The following SLC22A23 variants were observed in gnomAD, a reference collection of about 807,000 sequenced individuals.
SLC22A23 encodes solute carrier family 22 member 23.
SLC22A23 carries 26 observed loss-of-function variants against 61.0 expected under a neutral mutation model. That is an observed-to-expected ratio of 0.43 (90% CI 0.31 to 0.59). The LOEUF (loss-of-function observed/expected upper bound fraction) is 0.59. Ranked by LOEUF, SLC22A23 falls within the 20% of genes least tolerant of loss-of-function variation. The probability of loss-of-function intolerance (pLI) is 0.11; values close to 1 mark genes in which losing one functional copy is unlikely to be tolerated. For synonymous variants in SLC22A23, 430 were observed against 413.9 expected (o/e 1.04, Z -0.47); for missense variants, 796 against 934.7 (o/e 0.85, Z 1.94).
chr6:3,425,601 T>C (rs1004310684), intron 1 of SLC22A23, among the ~76,000 whole-genome samples: 1 of 152,164 alleles, frequency 6.6e-6, no homozygotes, highest in Non-Finnish European at 1.5e-5. Context: ...TATCTCTTAA[T>C]AGAACAAATC....
chr6:3,444,865 G>T, intron 1 of SLC22A23: 1 of 985,586 alleles, frequency 1.0e-6, no homozygotes, highest in Non-Finnish European at 1.2e-6. Context: ...GCAGACACCT[G>T]GCAGCGCCCA....
intron 4 of SLC22A23, chr6:3,312,419 A>C (rs1281221241): frequency 6.6e-6 from 1 of 152,112 alleles, no homozygotes; most frequent in African/African-American, 2.4e-5. Flanking sequence ...TGATGTTGTA[A>C]AACAGTGTGA....
At chr6:3,275,972 C>G (rs1406070285) in intron 9 of SLC22A23, among the ~76,000 whole-genome samples, 2 of 152,194 alleles carry the variant, frequency 1.3e-5, no homozygotes, top group Non-Finnish European at 2.9e-5. Flanking sequence ...GCAAAGGTGA[C>G]CTGGGCAGGG....
At chr6:3,323,789 A>G (rs780618362) in intron 4 of SLC22A23, 45 bp downstream of exon 4, 14 of 1,572,348 alleles carry the variant, frequency 8.9e-6, no homozygotes, top group African/African-American at 1.4e-5. Context: ...TTCAGGAAGC[A>G]TGTGCAGTCG....
At chr6:3,411,539 T>C (rs780624095) in intron 2 of SLC22A23, among the ~76,000 whole-genome samples, 4 of 152,140 alleles carry the variant, frequency 2.6e-5, no homozygotes, top group African/African-American at 7.2e-5. Context: ...TGGTGATGGC[T>C]GTACAACTCT....
At position 3,327,153 on chromosome 6, in the gene SLC22A23, A is replaced by G. The variant is rs1186136323; in HGVS notation, c.914-3151T>C. Among the ~76,000 whole-genome samples, 1 of 152,200 alleles carries G rather than the reference A, an allele frequency of 6.6e-6. No individual in the cohort carries two copies. Among genetic ancestry groups the G allele is most frequent in the Admixed American group, 6.5e-5 (1 of 15,280 alleles). Reference sequence around the variant, plus strand: ...AAGCATTTGGTGCAGCAGCTCCCACACCTTGAAGATGGTTCCAGTCGCCTG... The same window carrying G: ...AAGCATTTGGTGCAGCAGCTCCCACGCCTTGAAGATGGTTCCAGTCGCCTG... On this transcript the variant is annotated intron_variant, in intron 3 of 9. Coordinates refer to ENST00000406686, the MANE Select transcript of SLC22A23 (RefSeq NM_015482.2). The surrounding 1 kb of genome is among the most constrained non-coding windows in gnomAD (Gnocchi z 4.1).
At chr6:3,301,730 C>T (rs1761626681) in intron 4 of SLC22A23, among the ~76,000 whole-genome samples, 1 of 152,220 alleles carries the variant, frequency 6.6e-6, no homozygotes, top group African/African-American at 2.4e-5. Flanking sequence ...AGAGCTTCCA[C>T]AAGAGGACAT....
chr6:3,441,106 G>T (rs1561985206), intron 1 of SLC22A23, among the ~76,000 whole-genome samples: 1 of 152,208 alleles, frequency 6.6e-6, no homozygotes, highest in Non-Finnish European at 1.5e-5. Context: ...TGTCGAGAGG[G>T]AGAGGGCTGT....
At chr6:3,429,890 G>C (rs1770746781) in intron 1 of SLC22A23, among the ~76,000 whole-genome samples, 1 of 152,208 alleles carries the variant, frequency 6.6e-6, no homozygotes, top group African/African-American at 2.4e-5. Context: ...GTTACCAGGG[G>C]CTGGGGTGAG....
intron 6 of SLC22A23, 142 bp downstream of exon 6, chr6:3,289,622 T>C: frequency 2.9e-6 from 2 of 688,208 alleles, no homozygotes; most frequent in South Asian, 3.8e-5. Context: ...GTCAATATCT[T>C]CTAGCCCGTG....
chr6:3,288,498 C>G (rs1760264596), intron 6 of SLC22A23, among the ~76,000 whole-genome samples: 1 of 152,230 alleles, frequency 6.6e-6, no homozygotes, highest in African/African-American at 2.4e-5. Flanking sequence ...CTCCAGAGTT[C>G]CTCTTCTGGC....
intron 1 of SLC22A23, among the ~76,000 whole-genome samples, chr6:3,437,164 T>C (rs1341166697): frequency 1.3e-5 from 2 of 152,076 alleles, no homozygotes; most frequent in Admixed American, 6.6e-5. Flanking sequence ...TTATAAACGA[T>C]GAACAACAAG....
chr6:3,273,983 C>T (rs1758673243), intron 9 of SLC22A23, among the ~76,000 whole-genome samples: 1 of 152,138 alleles, frequency 6.6e-6, no homozygotes, highest in African/African-American at 2.4e-5. Flanking sequence ...TGCTCACATA[C>T]CACCATTGGA....
intron 1 of SLC22A23, among the ~76,000 whole-genome samples, chr6:3,450,333 G>A (rs919024741): frequency 1.3e-5 from 2 of 152,174 alleles, no homozygotes; most frequent in Admixed American, 1.3e-4. Context: ...TTGAGACGGA[G>A]TCTCGCTCTG....
rs72841832 is a variant in SLC22A23 at position 3,361,134 on chromosome 6, A to G, written c.914-37132T>C. Reference sequence around the variant, plus strand: ...ACCCCAACCAGCTGTGACTTAGATCAGGGTTTCTCCCCCAAAGGAGCCTGC... The same window carrying G: ...ACCCCAACCAGCTGTGACTTAGATCGGGGTTTCTCCCCCAAAGGAGCCTGC... On this transcript the variant is annotated intron_variant, in intron 3 of 9. Coordinates refer to ENST00000406686, the MANE Select transcript of SLC22A23 (RefSeq NM_015482.2). Among the ~76,000 whole-genome samples, 1,005 of 149,106 alleles carry G rather than the reference A, an allele frequency of 6.7e-3. 5 individuals carry two copies. Among genetic ancestry groups the G allele is most frequent in the Middle Eastern group, 0.017 (5 of 288 alleles).
At chr6:3,287,789 T>G (rs1480898002) in intron 6 of SLC22A23, among the ~76,000 whole-genome samples, 1 of 151,882 alleles carries the variant, frequency 6.6e-6, no homozygotes, top group Non-Finnish European at 1.5e-5. Flanking sequence ...GTTCAAGTGA[T>G]TCTCCTGCTT....
intron 3 of SLC22A23, among the ~76,000 whole-genome samples, chr6:3,392,896 C>A (rs1364581197): frequency 6.6e-6 from 1 of 152,114 alleles, no homozygotes; most frequent in Non-Finnish European, 1.5e-5. Flanking sequence ...GTGATATACA[C>A]CTGGGAGTCT....
At chr6:3,440,434 G>A (rs1332654652) in intron 1 of SLC22A23, among the ~76,000 whole-genome samples, 1 of 152,068 alleles carries the variant, frequency 6.6e-6, no homozygotes, top group Non-Finnish European at 1.5e-5. Flanking sequence ...GTGGCCGGGT[G>A]CGGTGGCTCA....
intron 3 of SLC22A23, among the ~76,000 whole-genome samples, chr6:3,355,722 T>C (rs1197905866): frequency 6.6e-6 from 1 of 151,766 alleles, no homozygotes; most frequent in Non-Finnish European, 1.5e-5. Flanking sequence ...AATTTCTGGC[T>C]CATCTACTAT....
Sources: allele counts gnomAD v4.1 joint callset (sites outside exome capture counted in the v4.1 genomes callset), GRCh38; gene constraint gnomAD v4.1.1; non-coding constraint Gnocchi (gnomAD v3.1); transcripts MANE v1.5; gene names NCBI Gene and HGNC (gene_info 2026-07-23, HGNC 2026-07-21).